PCDH15: variants seen among roughly 807,000 people sequenced by gnomAD.
PCDH15 encodes the protein protocadherin related 15, also known as protocadherin-15.
A neutral mutation model predicts 178.5 loss-of-function variants in PCDH15; 129 were observed. The observed-to-expected ratio is 0.72, with a 90% confidence interval of 0.63 to 0.84. The LOEUF (loss-of-function observed/expected upper bound fraction) is 0.84. Ranked by LOEUF, PCDH15 falls within the 40% of genes least tolerant of loss-of-function variation. PCDH15 has a pLI of 0.00. For missense variants in PCDH15, 2,230 were observed against 2,099.9 expected, an observed-to-expected ratio of 1.06 and a Z score of -1.21; for synonymous variants, 800 against 732.0, an observed-to-expected ratio of 1.09 and a Z score of -1.50.
chr10:55,114,909 A>G (rs1245589367), intron 2 of PCDH15, among the ~76,000 whole-genome samples: 1 of 152,230 alleles, frequency 6.6e-6, no homozygotes, highest in Admixed American at 6.5e-5. Context: ...TAGATCCCAT[A>G]AAATAGATGG....
chr10:55,397,709 C>A (rs911149059), intron 2 of PCDH15, among the ~76,000 whole-genome samples: 2 of 152,066 alleles, frequency 1.3e-5, no homozygotes, highest in African/African-American at 4.8e-5. Flanking sequence ...CCTCAGCCTC[C>A]TGAGTAGCTG....
chr10:53,833,702 G>A (rs563385077), intron 29 of PCDH15, among the ~76,000 whole-genome samples: 3 of 151,656 alleles, frequency 2.0e-5, no homozygotes, highest in Non-Finnish European at 2.9e-5. Flanking sequence ...TTCTTTTTTC[G>A]ATTTTTTGCT....
In PCDH15 at chr10:54,079,315, C is replaced by G; in HGVS notation, c.2091+16G>C. On this transcript the variant is annotated intron_variant, in intron 17 of 37. Coordinates refer to ENST00000644397, the MANE Select transcript of PCDH15 (RefSeq NM_001384140.1). ...TAATACTATTTTTAAAACCCCTTCA[C>G]AGGGAGCATACTCACCCCATCTGGC... The G allele has an allele frequency of 1.2e-6, 2 of 1,610,172 alleles. No individual in the cohort carries two copies. The highest frequency in any genetic ancestry group is 1.7e-4 in the Middle Eastern group (1 of 6,054).
intron 2 of PCDH15, among the ~76,000 whole-genome samples, chr10:55,415,674 A>G (rs73257735): frequency 2.0e-5 from 3 of 151,782 alleles, no homozygotes; most frequent in Admixed American, 6.6e-5. Context: ...CTCATGAAGC[A>G]TAATGTTGGA....
intron 1 of PCDH15, among the ~76,000 whole-genome samples, chr10:54,779,429 C>CCT (rs1555192702): frequency 1.0e-5 from 1 of 99,684 alleles, no homozygotes; most frequent in African/African-American, 3.6e-5. Context: ...TATACACACA[C>CCT]ATATGTGTAT....
At chr10:53,949,730 GA>G (rs147359191) in intron 23 of PCDH15, among the ~76,000 whole-genome samples, 9 of 147,380 alleles carry the variant, frequency 6.1e-5, no homozygotes, top group East Asian at 2.0e-4. Flanking sequence ...TCTCTAAAAA[GA>G]AAAAAAAAAT....
In PCDH15 at chr10:55,277,909, C is replaced by T. The variant is rs545808148; in HGVS notation, c.-156+41690G>A. Among the ~76,000 whole-genome samples, 56 of 152,112 alleles carry T rather than the reference C, an allele frequency of 3.7e-4. No homozygotes were observed. The South Asian group carries it at 0.011, about 31-fold the overall frequency. ...CTTGAAATATGTCTTTTCTGATCCC[C>T]ACTGCCAATGTCTCAGGTTTTGTTT... On this transcript the variant is annotated intron_variant, in intron 1 of 5. Transcript: ENST00000458638.
intron 3 of PCDH15, among the ~76,000 whole-genome samples, chr10:54,855,181 C>A (rs1473528226): frequency 6.6e-6 from 1 of 152,196 alleles, no homozygotes; most frequent in Non-Finnish European, 1.5e-5. Flanking sequence ...CATTTTCAAG[C>A]TTGCAAGGGC....
intron 15 of PCDH15, among the ~76,000 whole-genome samples, chr10:54,128,056 G>A (rs1021372152): frequency 6.6e-6 from 1 of 152,082 alleles, no homozygotes; most frequent in Non-Finnish European, 1.5e-5. Context: ...GGGATAGAGA[G>A]GATGAAGAAA....
chr10:54,074,886 CTGTT>C (rs1245532788), intron 17 of PCDH15, among the ~76,000 whole-genome samples: 4 of 152,048 alleles, frequency 2.6e-5, no homozygotes, highest in Non-Finnish European at 5.9e-5. Flanking sequence ...GTTTTGTTTT[CTGTT>C]TGTTTTTTAT....
intron 1 of PCDH15, among the ~76,000 whole-genome samples, chr10:55,314,197 GTGTA>G (rs952454354): frequency 8.3e-6 from 1 of 119,774 alleles, no homozygotes; most frequent in African/African-American, 4.0e-5. Context: ...ATATGTTTGT[GTGTA>G]TATATATATA....
intron 1 of PCDH15, among the ~76,000 whole-genome samples, chr10:54,753,985 T>A (rs551221607): frequency 0.013 from 1,682 of 125,142 alleles, 23 homozygotes; most frequent in East Asian, 0.055. Flanking sequence ...ATTTTTTTTT[T>A]TTATTATTAT....
At chr10:54,377,257 A>G (rs1197870982) in intron 4 of PCDH15, among the ~76,000 whole-genome samples, 1 of 152,100 alleles carries the variant, frequency 6.6e-6, no homozygotes, top group Non-Finnish European at 1.5e-5. Context: ...ATTTTCTGAT[A>G]TGTTTACCAT....
intron 2 of PCDH15, among the ~76,000 whole-genome samples, chr10:55,119,423 T>A (rs182737199): frequency 1.3e-5 from 2 of 152,234 alleles, no homozygotes; most frequent in African/African-American, 4.8e-5. Flanking sequence ...CTATTTCTAC[T>A]AATTATACTA....
chr10:55,066,957 T>G (rs1841582085), intron 2 of PCDH15, among the ~76,000 whole-genome samples: 1 of 151,926 alleles, frequency 6.6e-6, no homozygotes, highest in Admixed American at 6.6e-5. Context: ...CAAGCTGTTG[T>G]ATACCCCAAG....
chr10:54,418,188 CAG>C (rs72080853), intron 3 of PCDH15, among the ~76,000 whole-genome samples: 21,556 of 152,024 alleles, frequency 0.14, 1,604 homozygotes, highest in Middle Eastern at 0.23. Flanking sequence ...TCAATTAAGA[CAG>C]GGTGCACAGA....
At chr10:54,940,152 T>C (rs1163509310) in intron 2 of PCDH15, among the ~76,000 whole-genome samples, 1 of 152,122 alleles carries the variant, frequency 6.6e-6, no homozygotes, top group Non-Finnish European at 1.5e-5. Context: ...TGATTATTAT[T>C]TTTTAAAATA....
intron 3 of PCDH15, among the ~76,000 whole-genome samples, chr10:54,399,163 A>C (rs1270761149): frequency 6.6e-6 from 1 of 152,112 alleles, no homozygotes; most frequent in Admixed American, 6.6e-5. Context: ...CAGAACATTT[A>C]AAAAGAAACT....
chr10:54,170,974 GC>G (rs2046840471), intron 13 of PCDH15, among the ~76,000 whole-genome samples: 1 of 152,012 alleles, frequency 6.6e-6, no homozygotes, highest in African/African-American at 2.4e-5. Flanking sequence ...CCCAGGACTG[GC>G]AAATTAGCTT....
Sources: allele counts gnomAD v4.1 joint callset (sites outside exome capture counted in the v4.1 genomes callset), GRCh38; gene constraint gnomAD v4.1.1; transcripts MANE v1.5; gene names NCBI Gene and HGNC (gene_info 2026-07-23, HGNC 2026-07-21).